Variants in MED27 observed in about 807,000 individuals in gnomAD.
MED27 encodes the protein mediator complex subunit 27.
Under a neutral mutation model 38.2 loss-of-function variants are expected in MED27, and 30 were observed. The ratio of observed to expected loss-of-function variants is 0.79; its 90% CI spans 0.59 to 1.07. The LOEUF (loss-of-function observed/expected upper bound fraction) is 1.07. Ranked by LOEUF, MED27 falls within the 50% of genes least tolerant of loss-of-function variation. The pLI is 0.00. For synonymous variants in MED27, 122 were observed against 153.5 expected (o/e 0.79, Z 1.52); for missense variants, 289 against 397.5 (o/e 0.73, Z 2.32).
At chr9:132,007,927 A>C (rs769946993) in intron 3 of MED27, among the ~76,000 whole-genome samples, 1 of 152,124 alleles carries the variant, frequency 6.6e-6, no homozygotes, top group African/African-American at 2.4e-5. Flanking sequence ...AATATAATGC[A>C]AGAGAAACTG....
At chr9:132,009,790 T>C (rs1031114108) in intron 3 of MED27, among the ~76,000 whole-genome samples, 1 of 152,224 alleles carries the variant, frequency 6.6e-6, no homozygotes, top group African/African-American at 2.4e-5. Flanking sequence ...TATGAAGCAA[T>C]AGATAATTAA....
At chr9:131,977,543 C>G (rs1229514693) in intron 3 of MED27, among the ~76,000 whole-genome samples, 1 of 152,170 alleles carries the variant, frequency 6.6e-6, no homozygotes, top group African/African-American at 2.4e-5. Context: ...GTGGACCACT[C>G]TGCTCTGCGG....
In MED27 at chr9:131,860,487, C is replaced by T. The variant is rs773274198; in HGVS notation, c.*51G>A. On this transcript the variant is annotated 3_prime_UTR_variant, in exon 8 of 8. Transcript: ENST00000292035. The surrounding 1 kb of genome is among the most constrained non-coding windows in gnomAD (Gnocchi z 5.8). Reference sequence around the variant, plus strand: ...AGCTGAGCCTTCTGTGGGCTTCCTGCGTGTCTGGGAAGGTGCTGGGTGGGG... The same window carrying T: ...AGCTGAGCCTTCTGTGGGCTTCCTGTGTGTCTGGGAAGGTGCTGGGTGGGG... The T allele has an allele frequency of 6.8e-6, 10 of 1,466,016 alleles. No individual in the cohort carries two copies. Among genetic ancestry groups the T allele is most frequent in the East Asian group, 2.5e-5 (1 of 39,668 alleles). 90.8% of individuals were successfully genotyped at this position (1,466,016 alleles called of 1,614,324 possible).
chr9:131,927,936 G>A (rs1386642651), intron 4 of MED27, among the ~76,000 whole-genome samples: 2 of 152,196 alleles, frequency 1.3e-5, no homozygotes, highest in Non-Finnish European at 2.9e-5. Context: ...GAAGGAGGAA[G>A]CCAAAATGGG....
chr9:131,919,714 C>T (rs1830355219), intron 4 of MED27, among the ~76,000 whole-genome samples: 1 of 152,072 alleles, frequency 6.6e-6, no homozygotes, highest in Non-Finnish European at 1.5e-5. Flanking sequence ...GAGGAAACCT[C>T]TAGCATCAGG....
chr9:131,919,460 AT>A (rs5900963), intron 4 of MED27, among the ~76,000 whole-genome samples: 144 of 150,132 alleles, frequency 9.6e-4, no homozygotes, highest in African/African-American at 3.1e-3. Context: ...GCTTCAAGTG[AT>A]TTTTTTTTTA....
chr9:131,884,533 T>C (rs535334262), intron 5 of MED27, among the ~76,000 whole-genome samples: 1 of 152,298 alleles, frequency 6.6e-6, no homozygotes, highest in Admixed American at 6.5e-5. Context: ...AAATGTCACC[T>C]TATCAGAGAG....
chr9:131,860,285 C>T lies in MED27; in HGVS notation c.*253G>A, dbSNP rs1838630634. On this transcript the variant is annotated 3_prime_UTR_variant, in exon 8 of 8. Transcript: ENST00000292035. The surrounding 1 kb of genome is among the most constrained non-coding windows in gnomAD (Gnocchi z 5.8). ...ACACATGGACGAGGAGCATGCTGCA[C>T]AGCTTCCTTCTACCAGGTTCTAGAA... 3 of 414,558 alleles carry T rather than the reference C, an allele frequency of 7.2e-6. No homozygotes were observed. The Admixed American group carries it at 1.2e-4, about 17-fold the overall frequency. 25.7% of individuals were successfully genotyped at this position (414,558 alleles called of 1,614,324 possible).
intron 6 of MED27, chr9:131,868,991 T>A: frequency 3.0e-6 from 3 of 985,438 alleles, no homozygotes; most frequent in Non-Finnish European, 3.6e-6. Flanking sequence ...CCTAATTAGT[T>A]TTTCCATTGC....
intron 4 of MED27, among the ~76,000 whole-genome samples, chr9:131,911,513 C>A (rs1014544291): frequency 6.6e-6 from 1 of 152,194 alleles, no homozygotes; most frequent in African/African-American, 2.4e-5. Context: ...AATCCATTCC[C>A]ACTCCTAGAA....
At chr9:131,969,452 G>A (rs11243585) in intron 3 of MED27, among the ~76,000 whole-genome samples, 27,726 of 151,832 alleles carry the variant, frequency 0.18, 2,817 homozygotes, top group East Asian at 0.37. Flanking sequence ...TACATTAAGT[G>A]CTCTCGTAAC....
intron 2 of MED27, among the ~76,000 whole-genome samples, chr9:132,024,457 C>A (rs535588014): frequency 6.6e-6 from 1 of 152,166 alleles, no homozygotes; most frequent in Non-Finnish European, 1.5e-5. Context: ...CCTAGAAATT[C>A]GCTTCCTCCA....
intron 3 of MED27, among the ~76,000 whole-genome samples, chr9:132,006,203 A>G (rs980061332): frequency 1.3e-5 from 2 of 152,164 alleles, no homozygotes; most frequent in African/African-American, 4.8e-5. Flanking sequence ...GCCGGGCGAC[A>G]TCTCTGCCCA....
chr9:132,036,839 T>C (rs1373030225), intron 2 of MED27, among the ~76,000 whole-genome samples: 1 of 152,000 alleles, frequency 6.6e-6, no homozygotes. Flanking sequence ...CCCCCTACAC[T>C]AAAAATGAAT....
At chr9:131,903,350 A>G (rs1829989695) in intron 4 of MED27, among the ~76,000 whole-genome samples, 1 of 152,164 alleles carries the variant, frequency 6.6e-6, no homozygotes, top group Non-Finnish European at 1.5e-5. Flanking sequence ...ACCCACCCCC[A>G]TGATTCAATC....
intron 3 of MED27, among the ~76,000 whole-genome samples, chr9:131,954,934 A>C (rs1831067221): frequency 6.6e-6 from 1 of 152,190 alleles, no homozygotes; most frequent in Non-Finnish European, 1.5e-5. Flanking sequence ...AGTAGACAGA[A>C]AGTCAGTAAG....
rs1832294878 is a variant in MED27 at position 132,003,883 on chromosome 9, T to C, written c.479+10454A>G. 6.6e-6 allele frequency among the ~76,000 whole-genome samples: 1 copy of C among 152,180 alleles called. No individual in the cohort carries two copies. Among genetic ancestry groups the C allele is most frequent in the Admixed American group, 6.5e-5 (1 of 15,280 alleles). ...CCATTAATTTTCTGTTTAAATGCAG[T>C]AGTACTTTCTGCACCTTTAGATTCC... On this transcript the variant is annotated intron_variant, in intron 3 of 7. Transcript: ENST00000292035. This position sits in a 1 kb window ranked among gnomAD's most constrained non-coding sequence, Gnocchi z 4.2.
At chr9:132,009,411 T>C (rs1004944366) in intron 3 of MED27, among the ~76,000 whole-genome samples, 4 of 152,214 alleles carry the variant, frequency 2.6e-5, no homozygotes, top group Admixed American at 6.5e-5. Flanking sequence ...GGGGTAGAAC[T>C]GACGCTGTGT....
Position 131,883,170 on chromosome 9 carries a change from G to A in MED27, c.723+888C>T, listed in dbSNP as rs1839078301. 6.6e-6 allele frequency among the ~76,000 whole-genome samples: 1 copy of A among 152,218 alleles called. No individual in the cohort carries two copies. The highest frequency in any genetic ancestry group is 1.5e-5 in the Non-Finnish European group (1 of 68,032). ...GATCTGCCTACCTTGGCCTCCCAAA[G>A]TGCTGGGGAGTGGACACCTGTTGTT... On this transcript the variant is annotated intron_variant, in intron 6 of 7. Coordinates refer to ENST00000292035, the MANE Select transcript of MED27 (RefSeq NM_004269.4). The surrounding 1 kb of genome is among the most constrained non-coding windows in gnomAD (Gnocchi z 4.2).
Sources: allele counts gnomAD v4.1 joint callset (sites outside exome capture counted in the v4.1 genomes callset), GRCh38; gene constraint gnomAD v4.1.1; non-coding constraint Gnocchi (gnomAD v3.1); transcripts MANE v1.5; gene names NCBI Gene and HGNC (gene_info 2026-07-23, HGNC 2026-07-21).